SS18L1: variants seen among roughly 807,000 people sequenced by gnomAD.
SS18L1 encodes SS18L1 subunit of BAF chromatin remodeling complex.
SS18L1 carries 32 observed loss-of-function variants against 70.3 expected under a neutral mutation model. The ratio of observed to expected loss-of-function variants is 0.46; its 90% CI spans 0.34 to 0.61. The LOEUF (loss-of-function observed/expected upper bound fraction) is 0.61. Ranked by LOEUF, SS18L1 falls within the 20% of genes least tolerant of loss-of-function variation. The probability of loss-of-function intolerance (pLI) is 0.01; values close to 1 mark genes in which losing one functional copy is unlikely to be tolerated. For synonymous variants in SS18L1, 237 were observed against 229.7 expected, an observed-to-expected ratio of 1.03 and a Z score of -0.29; for missense variants, 430 against 542.1, an observed-to-expected ratio of 0.79 and a Z score of 2.05.
At chr20:62,168,339 G>A (rs1601039981) in intron 8 of SS18L1, among the ~76,000 whole-genome samples, 1 of 152,202 alleles carries the variant, frequency 6.6e-6, no homozygotes, top group East Asian at 1.9e-4. Flanking sequence ...AGGTGGTACT[G>A]TGAAGTCTTG....
chr20:62,146,326 A>C (rs1287182674), intron 1 of SS18L1, among the ~76,000 whole-genome samples: 2 of 152,226 alleles, frequency 1.3e-5, no homozygotes, highest in East Asian at 1.9e-4. Context: ...GTCTGAGCAC[A>C]GTTAGTGCTG....
chr20:62,144,157 T>G (rs1439058948), intron 1 of SS18L1, among the ~76,000 whole-genome samples: 1 of 150,432 alleles, frequency 6.6e-6, no homozygotes, highest in African/African-American at 2.4e-5. Flanking sequence ...CACTGGGCGG[T>G]GGGGGCCGGG....
chr20:62,149,708 A>G (rs1176558006), intron 1 of SS18L1, among the ~76,000 whole-genome samples: 3 of 152,188 alleles, frequency 2.0e-5, no homozygotes, highest in Non-Finnish European at 2.9e-5. Flanking sequence ...GCAGCCTTGT[A>G]ATTGGTCAGC....
chr20:62,167,723 G>A (rs994937510), intron 8 of SS18L1, among the ~76,000 whole-genome samples: 1 of 152,218 alleles, frequency 6.6e-6, no homozygotes, highest in Non-Finnish European at 1.5e-5. Flanking sequence ...CCATGGCGAG[G>A]TGTCCACATG....
In SS18L1 at chr20:62,152,144, T is replaced by A. The variant is rs370072420; in HGVS notation, c.70-6528T>A. Reference sequence around the variant, plus strand: ...GCCCAGCCTCCAGCCCAGCTGGACGTCAACCCCAGGAGTCTCCTGGGGCTC... The same window carrying A: ...GCCCAGCCTCCAGCCCAGCTGGACGACAACCCCAGGAGTCTCCTGGGGCTC... On this transcript the variant is annotated intron_variant, in intron 1 of 10. Coordinates refer to ENST00000331758, the MANE Select transcript of SS18L1 (RefSeq NM_198935.3). Among the ~76,000 whole-genome samples the A allele has an allele frequency of 4.1e-4, 62 of 152,244 alleles. No homozygotes were observed. In the East Asian group the frequency reaches 0.011, roughly 28 times the overall value.
At chr20:62,170,905 T>G (rs1442455178) in intron 8 of SS18L1, among the ~76,000 whole-genome samples, 2 of 151,442 alleles carry the variant, frequency 1.3e-5, no homozygotes, top group Non-Finnish European at 2.9e-5. Context: ...TTTTTTTTTT[T>G]GTTTATGTTT....
chr20:62,171,535 G>A (rs983090885), intron 8 of SS18L1, among the ~76,000 whole-genome samples: 2 of 152,166 alleles, frequency 1.3e-5, no homozygotes, highest in South Asian at 2.1e-4. Context: ...GAATAAGAGC[G>A]TGTGTTAGTT....
At chr20:62,150,632 G>GA (rs533631501) in intron 1 of SS18L1, among the ~76,000 whole-genome samples, 3 of 53,072 alleles carry the variant, frequency 5.7e-5, no homozygotes, top group Non-Finnish European at 1.0e-4. Context: ...CATTGAGGTG[G>GA]ATTTTTTTTT....
intron 10 of SS18L1, among the ~76,000 whole-genome samples, chr20:62,178,237 C>T (rs1454455333): frequency 6.7e-6 from 1 of 149,056 alleles, no homozygotes. Context: ...ACCTCCACCT[C>T]TCAGGCCCAG....
chr20:62,170,421 G>A (rs902889180), intron 8 of SS18L1, among the ~76,000 whole-genome samples: 1 of 152,196 alleles, frequency 6.6e-6, no homozygotes, highest in Non-Finnish European at 1.5e-5. Context: ...CAGGAGAATG[G>A]CGTGAACCCC....
chr20:62,157,412 G>A (rs1033590182), intron 1 of SS18L1, among the ~76,000 whole-genome samples: 1 of 152,210 alleles, frequency 6.6e-6, no homozygotes, highest in Non-Finnish European at 1.5e-5. Flanking sequence ...CTCAGGTGTG[G>A]CCAGGCACGT....
At chr20:62,169,613 G>T (rs6062104) in intron 8 of SS18L1, among the ~76,000 whole-genome samples, 28,916 of 151,766 alleles carry the variant, frequency 0.19, 4,263 homozygotes, top group African/African-American at 0.41. Context: ...ACCCCATCTC[G>T]ACCAAAAATA....
intron 10 of SS18L1, among the ~76,000 whole-genome samples, chr20:62,178,037 T>TA (rs1555828680): frequency 2.6e-4 from 38 of 145,010 alleles, no homozygotes; most frequent in South Asian, 2.4e-3. Context: ...TTTTTTTTTT[T>TA]AAGACAGGGT....
intron 4 of SS18L1, chr20:62,162,492 CGGGGTTT>C: frequency 2.6e-6 from 1 of 390,492 alleles, no homozygotes; most frequent in Non-Finnish European, 4.6e-6. Context: ...TTAGTAGAGA[CGGGGTTT>C]CACCATGTTG....
At chr20:62,165,097 C>T (rs1444883304) in intron 7 of SS18L1, among the ~76,000 whole-genome samples, 3 of 152,302 alleles carry the variant, frequency 2.0e-5, no homozygotes, top group Middle Eastern at 3.4e-3. Flanking sequence ...CCCCTGCCTG[C>T]GTCCTCCCAG....
At chr20:62,145,047 A>G (rs979682382) in intron 1 of SS18L1, among the ~76,000 whole-genome samples, 1 of 152,246 alleles carries the variant, frequency 6.6e-6, no homozygotes, top group Non-Finnish European at 1.5e-5. Context: ...TGCTAGTTTT[A>G]GAAATTTGAT....
At position 62,181,047 on chromosome 20, in the gene SS18L1, T is replaced by C. The variant is rs2057698887; in HGVS notation, c.*1839T>C. The C allele has an allele frequency of 5.3e-6, 1 of 188,744 alleles. No homozygotes were observed. Among genetic ancestry groups the C allele is most frequent in the Non-Finnish European group, 1.1e-5 (1 of 89,756 alleles). 11.7% of individuals were successfully genotyped at this position (188,744 alleles called of 1,614,324 possible). The stretch of plus-strand genomic sequence containing the variant: ...ATCTGGAGGCAGGTAACAGTTCCCA[T>C]TTTAGAGATGAAGAACTGAGGCACA... On this transcript the variant is annotated 3_prime_UTR_variant, in exon 11 of 11. Coordinates refer to ENST00000331758, the MANE Select transcript of SS18L1 (RefSeq NM_198935.3).
intron 8 of SS18L1, among the ~76,000 whole-genome samples, chr20:62,169,916 G>A (rs896367246): frequency 4.6e-5 from 7 of 152,254 alleles, no homozygotes; most frequent in Non-Finnish European, 8.8e-5. Context: ...CCCTCGCCAG[G>A]TGGTGACCAG....
chr20:62,164,947 C>A (rs1409532824), intron 7 of SS18L1, among the ~76,000 whole-genome samples: 1 of 152,200 alleles, frequency 6.6e-6, no homozygotes, highest in African/African-American at 2.4e-5. Context: ...CTGGATTGAT[C>A]CCTGGGAGGC....
Sources: gnomAD v4.1 joint callset for allele counts (sites outside exome capture counted in the v4.1 genomes callset) on GRCh38, gnomAD v4.1.1 for gene constraint, MANE v1.5 for transcripts, NCBI Gene and HGNC (gene_info 2026-07-23, HGNC 2026-07-21) for gene names.